ARMH3: variants seen among roughly 807,000 people sequenced by gnomAD.
The protein encoded by ARMH3 is armadillo-like helical domain-containing protein 3.
In ARMH3, 60 loss-of-function variants were observed where a neutral mutation model predicts 99.1. That is an observed-to-expected ratio of 0.61 (90% CI 0.49 to 0.75). The LOEUF is 0.75. ARMH3 is among the 30% of genes least tolerant of loss of function. ARMH3 has a pLI of 0.00. For synonymous variants in ARMH3, 285 were observed against 292.8 expected, an observed-to-expected ratio of 0.97 and a Z score of 0.27; for missense variants, 679 against 843.1, an observed-to-expected ratio of 0.81 and a Z score of 2.41.
At chr10:101,977,065 T>C (rs549871160) in intron 19 of ARMH3, among the ~76,000 whole-genome samples, 7 of 152,326 alleles carry the variant, frequency 4.6e-5, no homozygotes, top group African/African-American at 1.4e-4. Flanking sequence ...AGTTTGTCAG[T>C]TGTGCTAACC....
At chr10:101,927,793 C>G (rs1345258956) in intron 23 of ARMH3, among the ~76,000 whole-genome samples, 1 of 152,120 alleles carries the variant, frequency 6.6e-6, no homozygotes, top group Non-Finnish European at 1.5e-5. Context: ...AAAAGAAGAG[C>G]TGGATGCAGT....
chr10:101,926,336 T>G (rs1843506245), intron 23 of ARMH3, among the ~76,000 whole-genome samples: 1 of 152,134 alleles, frequency 6.6e-6, no homozygotes. Flanking sequence ...TACAGGCATG[T>G]GCTACCATGC....
At chr10:101,948,364 T>C (rs1394844775) in intron 22 of ARMH3, among the ~76,000 whole-genome samples, 1 of 152,162 alleles carries the variant, frequency 6.6e-6, no homozygotes, top group Non-Finnish European at 1.5e-5. Flanking sequence ...GAATAGCCAC[T>C]GTAGTCAAGC....
intron 19 of ARMH3, among the ~76,000 whole-genome samples, chr10:101,984,171 CTA>C (rs1299563472): frequency 6.6e-6 from 1 of 152,174 alleles, no homozygotes; most frequent in Non-Finnish European, 1.5e-5. Context: ...AGAAAAAACA[CTA>C]TGTTTTTTTA....
intron 1 of ARMH3, among the ~76,000 whole-genome samples, chr10:102,045,793 C>T (rs2067535357): frequency 6.6e-6 from 1 of 152,058 alleles, no homozygotes; most frequent in Admixed American, 6.6e-5. Flanking sequence ...GAGTAAGTTA[C>T]ATAGAAAATA....
At chr10:101,889,273 C>T in intron 24 of ARMH3, 139 bp downstream of exon 24, 1 of 829,834 alleles carries the variant, frequency 1.2e-6, no homozygotes, top group Non-Finnish European at 2.1e-6. Context: ...ATCAACCAAC[C>T]CCACACTAAT....
At chr10:102,019,743 T>C (rs532890208) in intron 8 of ARMH3, among the ~76,000 whole-genome samples, 4 of 151,568 alleles carry the variant, frequency 2.6e-5, no homozygotes, top group South Asian at 4.2e-4. Context: ...CTGGCTAACA[T>C]GGTGAAACCC....
At chr10:101,948,247 C>T (rs1307342817) in intron 22 of ARMH3, among the ~76,000 whole-genome samples, 1 of 152,000 alleles carries the variant, frequency 6.6e-6, no homozygotes. Flanking sequence ...ATATATAAGC[C>T]AGCCACAGTG....
chr10:101,943,007 T>A (rs1464769988), intron 22 of ARMH3, among the ~76,000 whole-genome samples: 1 of 152,060 alleles, frequency 6.6e-6, no homozygotes. Flanking sequence ...AGAATTGTGA[T>A]CCCCTAAAAG....
intron 16 of ARMH3, among the ~76,000 whole-genome samples, chr10:101,993,863 C>A (rs1436908660): frequency 6.6e-6 from 1 of 152,200 alleles, no homozygotes; most frequent in Non-Finnish European, 1.5e-5. Flanking sequence ...GGACTTAAGG[C>A]AGATGCTGAG....
intron 18 of ARMH3, 66 bp from the exon 19 acceptor site, chr10:101,990,677 A>G: frequency 7.5e-7 from 1 of 1,330,086 alleles, no homozygotes; most frequent in South Asian, 1.2e-5. Flanking sequence ...TTTGAGTTGG[A>G]AAAAAAGCTT....
intron 8 of ARMH3, among the ~76,000 whole-genome samples, chr10:102,022,200 T>G (rs559761527): frequency 6.6e-6 from 1 of 152,060 alleles, no homozygotes; most frequent in African/African-American, 2.4e-5. Flanking sequence ...TTTCTCAGAA[T>G]GTATCCTTGT....
chr10:101,923,967 A>G (rs552523239), intron 23 of ARMH3, among the ~76,000 whole-genome samples: 2 of 152,338 alleles, frequency 1.3e-5, no homozygotes, highest in South Asian at 4.1e-4. Flanking sequence ...AGGCCATTTC[A>G]TATAACAGCA....
chr10:102,015,642 G>A (rs1008742034), intron 8 of ARMH3, among the ~76,000 whole-genome samples: 3 of 152,076 alleles, frequency 2.0e-5, no homozygotes, highest in African/African-American at 4.8e-5. Flanking sequence ...CGCCTGTCTC[G>A]GCCTCCCAAA....
intron 1 of ARMH3, among the ~76,000 whole-genome samples, chr10:102,044,064 G>A (rs1176813571): frequency 1.4e-5 from 2 of 147,830 alleles, no homozygotes; most frequent in East Asian, 4.0e-4. Context: ...CTACAGATGT[G>A]TGCCACCACA....
intron 23 of ARMH3, among the ~76,000 whole-genome samples, chr10:101,903,646 C>T (rs757647482): frequency 6.6e-6 from 1 of 152,062 alleles, no homozygotes; most frequent in South Asian, 2.1e-4. Context: ...AGACTGATAC[C>T]GAACTTTTAC....
intron 23 of ARMH3, among the ~76,000 whole-genome samples, chr10:101,897,098 G>A (rs117955094): frequency 6.6e-6 from 1 of 152,272 alleles, no homozygotes; most frequent in East Asian, 1.9e-4. Flanking sequence ...AGTTGGAGTT[G>A]CCCACATTAT....
chr10:101,913,362 T>TCTCTCTC (rs1554860903), intron 23 of ARMH3: 2 of 60,176 alleles, frequency 3.3e-5, no homozygotes, highest in East Asian at 1.5e-3. Flanking sequence ...TCTCTCTCTC[T>TCTCTCTC]TTTTTTTTTT....
chr10:101,960,495 A>G lies in ARMH3; in HGVS notation c.1496-2763T>C, dbSNP rs1323805596. On this transcript the variant is annotated intron_variant, in intron 20 of 25. Coordinates refer to ENST00000370033, the MANE Select transcript of ARMH3 (RefSeq NM_024541.3). Reference sequence around the variant, plus strand: ...TTTAATCCGATTTCCTCATTTTTGGATAAGAAAACTCCATGCCCCATTCCA... The same window carrying G: ...TTTAATCCGATTTCCTCATTTTTGGGTAAGAAAACTCCATGCCCCATTCCA... Among the ~76,000 whole-genome samples the G allele has an allele frequency of 2.0e-5, 3 of 152,136 alleles. No homozygotes were observed. The East Asian group carries it at 5.8e-4, about 29-fold the overall frequency.
Sources: allele counts gnomAD v4.1 joint callset (sites outside exome capture counted in the v4.1 genomes callset), GRCh38; gene constraint gnomAD v4.1.1; transcripts MANE v1.5; gene names NCBI Gene and HGNC (gene_info 2026-07-23, HGNC 2026-07-21).